Variants in CHDH observed in about 807,000 individuals in gnomAD.
CHDH encodes the protein choline dehydrogenase, mitochondrial.
In CHDH, 43 loss-of-function variants were observed where a neutral mutation model predicts 56.9. The observed-to-expected ratio is 0.76, with a 90% CI of 0.59 to 0.97. The LOEUF (loss-of-function observed/expected upper bound fraction) is 0.97, where lower values mean the gene tolerates loss of function less well. CHDH is among the 50% of genes least tolerant of loss of function. CHDH has a pLI of 0.00. For synonymous variants in CHDH, 364 were observed against 348.5 expected (o/e 1.04, Z -0.50); for missense variants, 816 against 821.1 (o/e 0.99, Z 0.08).
At position 53,817,752 on chromosome 3, in the gene CHDH, T is replaced by C; in HGVS notation, c.*25A>G. On this transcript the variant is annotated 3_prime_UTR_variant, in exon 9 of 9. Coordinates refer to ENST00000315251, the MANE Select transcript of CHDH (RefSeq NM_018397.5). ...CTCTTGGCTTATCAGGGGGCTTCCC[T>C]GGTCATCCTCCAGCAGCAACTGTCT... The C allele has an allele frequency of 1.3e-6, 2 of 1,561,080 alleles. No individual in the cohort carries two copies. Among genetic ancestry groups the C allele is most frequent in the Non-Finnish European group, 1.7e-6 (2 of 1,154,056 alleles).
chr3:53,842,388 G>A (rs527763634), intron 1 of CHDH, among the ~76,000 whole-genome samples: 6 of 152,274 alleles, frequency 3.9e-5, no homozygotes, highest in Middle Eastern at 3.4e-3. Context: ...ACGGCCCAAC[G>A]TAGGGTGACA....
chr3:53,839,751 A>G (rs1177186854), intron 2 of CHDH, among the ~76,000 whole-genome samples: 2 of 152,268 alleles, frequency 1.3e-5, no homozygotes, highest in African/African-American at 4.8e-5. Context: ...TCAAAGAGAT[A>G]TCTGCACATT....
In CHDH at chr3:53,819,010, C is replaced by T. The variant is rs1177662209; in HGVS notation, c.1294G>A (p.Val432Met). ...GCACTTCTCAGTTTGAGCCAGCCCACACTCGTGCCCCGCATGGGCCCCACA... is the reference window on the plus strand; with the variant it reads ...GCACTTCTCAGTTTGAGCCAGCCCATACTCGTGCCCCGCATGGGCCCCACA... ...VHVGPMRGTS[V>M]GWLKLRSANP... The change falls in exon 8 of 9, where the codon GTG becomes ATG. Residue 432 changes from valine to methionine, a missense_variant. Transcript: ENST00000315251. This position sits in a 1 kb window ranked among gnomAD's most constrained non-coding sequence, Gnocchi z 5.4. 29 of 1,613,816 alleles carry T rather than the reference C, an allele frequency of 1.8e-5. No individual in the cohort carries two copies. Among genetic ancestry groups the T allele is most frequent in the Non-Finnish European group, 2.5e-5 (29 of 1,179,756 alleles).
chr3:53,829,578 A>G (rs1698269949), intron 2 of CHDH, among the ~76,000 whole-genome samples: 1 of 152,216 alleles, frequency 6.6e-6, no homozygotes, highest in African/African-American at 2.4e-5. Flanking sequence ...AAACTATAAT[A>G]GAGCCTGACT....
chr3:53,818,809 G>A (rs2095620474), intron 8 of CHDH, 129 bp downstream of exon 8: 8 of 728,664 alleles, frequency 1.1e-5, no homozygotes, highest in East Asian at 2.6e-5. Context: ...AAAGTGACAC[G>A]GTGGGGGACG....
chr3:53,834,779 CAT>C (rs969337621), intron 2 of CHDH, among the ~76,000 whole-genome samples: 6 of 152,338 alleles, frequency 3.9e-5, no homozygotes, highest in South Asian at 2.1e-4. Flanking sequence ...GGTGTGCACA[CAT>C]GTTTTCTTTC....
chr3:53,838,083 AAG>A (rs1698559293), intron 2 of CHDH, among the ~76,000 whole-genome samples: 1 of 148,640 alleles, frequency 6.7e-6, no homozygotes, highest in Non-Finnish European at 1.5e-5. Context: ...AAAAAAAAAA[AAG>A]AGACTGTAAG....
At chr3:53,830,799 G>C (rs538337214) in intron 2 of CHDH, among the ~76,000 whole-genome samples, 1 of 152,166 alleles carries the variant, frequency 6.6e-6, no homozygotes, top group South Asian at 2.1e-4. Context: ...GGGAGGAGAA[G>C]AGCAAGATGG....
chr3:53,827,955 T>C (rs76875486), intron 2 of CHDH, among the ~76,000 whole-genome samples: 2,249 of 151,944 alleles, frequency 0.015, 57 homozygotes, highest in African/African-American at 0.05. Flanking sequence ...AAGCGCAAAA[T>C]TGGAGGACTG....
intron 2 of CHDH, among the ~76,000 whole-genome samples, chr3:53,825,604 AT>A (rs2095637642): frequency 6.6e-6 from 1 of 152,174 alleles, no homozygotes; most frequent in Non-Finnish European, 1.5e-5. Flanking sequence ...TGAGGGGGAA[AT>A]AGTGGGGAAG....
intron 2 of CHDH, among the ~76,000 whole-genome samples, chr3:53,837,068 C>T (rs906714411): frequency 6.6e-6 from 1 of 151,922 alleles, no homozygotes; most frequent in South Asian, 2.1e-4. Flanking sequence ...GTGGTGTGTA[C>T]CTATAGTCCT....
At chr3:53,821,909 G>C (rs2095627313) in intron 4 of CHDH, 133 bp from the exon 5 acceptor site, 1 of 1,180,656 alleles carries the variant, frequency 8.5e-7, no homozygotes, top group African/African-American at 1.5e-5. Flanking sequence ...ACCCGGGACA[G>C]GCCCCAGAGC....
chr3:53,845,145 G>A (rs1367549425), intron 1 of CHDH, among the ~76,000 whole-genome samples: 1 of 152,238 alleles, frequency 6.6e-6, no homozygotes, highest in Non-Finnish European at 1.5e-5. Context: ...TCCCAGGCAG[G>A]GGTGCGGCCA....
chr3:53,835,962 C>T (rs1698481862), intron 2 of CHDH, among the ~76,000 whole-genome samples: 1 of 152,176 alleles, frequency 6.6e-6, no homozygotes, highest in Non-Finnish European at 1.5e-5. Flanking sequence ...ATCACAGAAG[C>T]CAAAAGGTCA....
In CHDH at chr3:53,823,894, C is replaced by T; in HGVS notation, c.115G>A (p.Asp39Asn). 6.3e-7 allele frequency: 1 copy of T among 1,581,414 alleles called. No homozygotes were observed. Among genetic ancestry groups the T allele is most frequent in the South Asian group, 1.1e-5 (1 of 88,404 alleles). ...ALASAGSESR[D>N]EYSYVVVGAG... ...CCCACCACCACATAGCTGTACTCGT[C>T]CCGGCTCTCAGAGCCTGCGCTGGCC... is the stretch of plus-strand genomic sequence containing the variant. Residue 39 changes from aspartate (D) to asparagine (N), a missense_variant, in exon 3 of 9, where the codon GAC becomes AAC. Coordinates refer to ENST00000315251, the MANE Select transcript of CHDH (RefSeq NM_018397.5).
At chr3:53,832,994 G>A (rs1411347918) in intron 2 of CHDH, among the ~76,000 whole-genome samples, 3 of 152,174 alleles carry the variant, frequency 2.0e-5, no homozygotes, top group Non-Finnish European at 2.9e-5. Context: ...GAAGGGGAAA[G>A]GTATAAAGAA....
At chr3:53,824,732 T>G (rs555085158) in intron 2 of CHDH, among the ~76,000 whole-genome samples, 21 of 152,350 alleles carry the variant, frequency 1.4e-4, no homozygotes, top group African/African-American at 5.1e-4. Flanking sequence ...GCAATAGCTT[T>G]GAAAGGGCCC....
At chr3:53,821,918 G>T in intron 4 of CHDH, 142 bp from the exon 5 acceptor site, 1 of 1,075,852 alleles carries the variant, frequency 9.3e-7, no homozygotes, top group Non-Finnish European at 1.3e-6. Context: ...AGGCCCCAGA[G>T]CTAAGGAGAG....
intron 2 of CHDH, among the ~76,000 whole-genome samples, chr3:53,828,162 G>GACACACACACAC (rs60594351): frequency 0.023 from 3,297 of 145,172 alleles, 68 homozygotes; most frequent in East Asian, 0.044. Flanking sequence ...GGAATAACTA[G>GACACACACACAC]ACACACACAC....
Sources: allele counts gnomAD v4.1 joint callset (sites outside exome capture counted in the v4.1 genomes callset), GRCh38; gene constraint gnomAD v4.1.1; non-coding constraint Gnocchi (gnomAD v3.1); transcripts MANE v1.5; gene names NCBI Gene and HGNC (gene_info 2026-07-23, HGNC 2026-07-21).